Variants in DENND2D observed in about 807,000 individuals in gnomAD.
DENND2D encodes the protein DENN domain-containing protein 2D.
DENND2D carries 37 observed loss-of-function variants against 59.8 expected under a neutral mutation model. The observed-to-expected ratio is 0.62, with a 90% CI of 0.48 to 0.81. The LOEUF (loss-of-function observed/expected upper bound fraction) is 0.81. Among genes scored for constraint, DENND2D ranks in the 40% least tolerant of loss-of-function variants. The pLI, the probability that DENND2D is intolerant of heterozygous loss-of-function variation, is 0.00. For synonymous variants in DENND2D, 219 were observed against 211.3 expected, an observed-to-expected ratio of 1.04 and a Z score of -0.31; for missense variants, 525 against 579.7, an observed-to-expected ratio of 0.91 and a Z score of 0.97.
upstream of DENND2D, chr1:111,204,482 C>G (rs900235849): frequency 4.0e-5 from 41 of 1,018,402 alleles, no homozygotes; most frequent in African/African-American, 5.1e-4. Flanking sequence ...CGGGGCGGCG[C>G]GGCGCACCTT....
upstream of DENND2D, chr1:111,201,186 CCCAATAG>C (rs1388351450): frequency 6.5e-6 from 1 of 152,744 alleles, no homozygotes; most frequent in African/African-American, 2.4e-5. Context: ...GAAGTCAATA[CCCAATAG>C]CCTTCTTTCC....
chr1:111,192,217 CGGT>C lies in DENND2D; in HGVS notation c.892_894del (p.Thr298del). 2 of 1,613,896 alleles carry C rather than the reference CGGT, an allele frequency of 1.2e-6. No homozygotes were observed. Among genetic ancestry groups the C allele is most frequent in the Non-Finnish European group, 1.7e-6 (2 of 1,179,856 alleles). The stretch of plus-strand genomic sequence containing the variant: ...ACCATGAAGGGGGTGGGGCAGCAGA[CGGT>C]GGCCAGAAGGCTCTCAGGGACAACA... On this transcript the variant is annotated inframe_deletion, in exon 8 of 12. Coordinates refer to ENST00000357640, the MANE Select transcript of DENND2D (RefSeq NM_024901.5).
At position 111,194,563 on chromosome 1, in the gene DENND2D, A is replaced by G. The variant is rs768204448; in HGVS notation, c.794+15T>C. On this transcript the variant is annotated intron_variant, in intron 7 of 11. Transcript: ENST00000357640. ...GCTGGGCAGTTCAGGTGAGCCGTCC[A>G]GGGGCTGGGCCCACCTGAGACCTTC... 6.2e-6 allele frequency: 10 copies of G among 1,613,274 alleles called. No individual in the cohort carries two copies. The South Asian group carries it at 8.8e-5, about 14-fold the overall frequency.
At chr1:111,204,250 C>A (rs1431804740), upstream of DENND2D, 7 of 1,451,108 alleles carry the variant, frequency 4.8e-6, no homozygotes, top group African/African-American at 7.4e-5. Context: ...CCCCGGCTCC[C>A]CGGTGCCCAC....
chr1:111,188,147 G>T lies in DENND2D; in HGVS notation c.1323C>A (p.Ser441Arg). The change falls in exon 11 of 12, where the codon AGC becomes AGA. Residue 441 changes from serine to arginine, a missense_variant. By Grantham distance (110) the Ser-to-Arg change is moderately radical. This residue lies in a region of DENND2D where 225 missense variants were observed against 252.4 expected (regional missense o/e 0.89). Coordinates refer to ENST00000357640, the MANE Select transcript of DENND2D (RefSeq NM_024901.5). ...FSLFIQEAEK[S>R]KNPPAGYFQQ... ...TTACTGTACCTGCAGGAGGATTCTT[G>T]CTCTTCTCGGCTTCCTGGATGAAAA... 6.2e-7 allele frequency: 1 copy of T among 1,614,186 alleles called. No homozygotes were observed. The highest frequency in any genetic ancestry group is 8.5e-7 in the Non-Finnish European group (1 of 1,180,038).
chr1:111,197,705 C>T, intron 4 of DENND2D: 1 of 1,417,408 alleles, frequency 7.1e-7, no homozygotes, highest in Non-Finnish European at 9.2e-7. Flanking sequence ...AGAGCACAGA[C>T]CAGAGCCTGA....
intron 8 of DENND2D, among the ~76,000 whole-genome samples, chr1:111,190,428 G>T (rs1163082716): frequency 6.6e-6 from 1 of 152,304 alleles, no homozygotes; most frequent in South Asian, 2.1e-4. Flanking sequence ...CCAACCAGCA[G>T]ATCTGTTTCT....
chr1:111,198,593 C>T (rs769022033), intron 3 of DENND2D, 37 bp downstream of exon 3: 17 of 1,603,968 alleles, frequency 1.1e-5, no homozygotes, highest in African/African-American at 1.3e-5. Flanking sequence ...TTCCTTCTCC[C>T]CAAATCCAAT....
rs1210448134 is a variant in DENND2D at position 111,187,626 on chromosome 1, TG to T, written c.1394del (p.Pro465GlnfsTer6). ...EYEEQKKQKK[P>X]REKTVK ...GCTCTTATTTCACAGTTTTTTCCCTTGGTTTCTTCTGTTTCTTCTGTTCCTC... is the reference window on the plus strand; with the variant it reads ...GCTCTTATTTCACAGTTTTTTCCCTTGTTTCTTCTGTTTCTTCTGTTCCTC... On this transcript the variant is annotated frameshift_variant, in exon 12 of 12. Transcript: ENST00000357640. LOFTEE classifies it high-confidence loss of function. 3 of 1,613,888 alleles carry T rather than the reference TG, an allele frequency of 1.9e-6. No individual in the cohort carries two copies. Among genetic ancestry groups the T allele is most frequent in the Non-Finnish European group, 2.5e-6 (3 of 1,179,790 alleles).
At chr1:111,191,970 C>T (rs1289492846) in intron 8 of DENND2D, among the ~76,000 whole-genome samples, 170 bp downstream of exon 8, 1 of 152,192 alleles carries the variant, frequency 6.6e-6, no homozygotes, top group Non-Finnish European at 1.5e-5. Flanking sequence ...TGGTTTCCCC[C>T]AGAATCCTTA....
intron 8 of DENND2D, 89 bp from the exon 9 acceptor site, chr1:111,189,342 ATCTTT>A: frequency 1.4e-6 from 2 of 1,424,464 alleles, no homozygotes; most frequent in Non-Finnish European, 2.0e-6. Context: ...CTGTGGCTGT[ATCTTT>A]CAGCCCAGGT....
In DENND2D at chr1:111,188,313, A is replaced by G. The variant is rs369414936; in HGVS notation, c.1157T>C (p.Ile386Thr). 16 of 1,614,062 alleles carry G rather than the reference A, an allele frequency of 9.9e-6. No individual in the cohort carries two copies. In the African/African-American group the frequency reaches 1.1e-4, roughly 11 times the overall value. Residue 386 changes from isoleucine (I) to threonine (T), a missense_variant, in exon 11 of 12, where the codon ATT (isoleucine) becomes ACT (threonine). Ile to Thr is a moderately conservative substitution (Grantham distance 89). This residue lies in a region of DENND2D where 225 missense variants were observed against 252.4 expected (regional missense o/e 0.89). Transcript: ENST00000357640. ...GATATAGGAAGCATAATGGCCCACA[A>G]TCTTGACAAAGAACTGCACAAAGGG... Reference protein sequence around the residue: ...SGPFVQFFVKIVGHYASYIKR... With the variant: ...SGPFVQFFVKTVGHYASYIKR...
chr1:111,195,796 T>G (rs1658171833), intron 6 of DENND2D, 120 bp downstream of exon 6: 2 of 1,420,060 alleles, frequency 1.4e-6, no homozygotes, highest in African/African-American at 2.8e-5. Flanking sequence ...CAAGTCCCAG[T>G]CCCCATCTGG....
upstream of DENND2D, chr1:111,204,300 A>G (rs1164693555): frequency 1.0e-5 from 15 of 1,479,170 alleles, 1 homozygote; most frequent in Admixed American, 2.3e-4. Context: ...ACTAACCCCC[A>G]TGGCCGCGCT....
At chr1:111,200,267 G>A in intron 1 of DENND2D, 126 bp downstream of exon 1, 3 of 1,318,110 alleles carry the variant, frequency 2.3e-6, no homozygotes, top group Non-Finnish European at 3.2e-6. Context: ...TCCTGACCCA[G>A]TCACATGGGG....
At chr1:111,198,379 T>G (rs540223648) in intron 3 of DENND2D, among the ~76,000 whole-genome samples, 1 of 152,334 alleles carries the variant, frequency 6.6e-6, no homozygotes, top group African/African-American at 2.4e-5. Context: ...GTAGCAGAGT[T>G]AAAAGCAGCA....
chr1:111,190,366 G>A (rs1238330101), intron 8 of DENND2D, among the ~76,000 whole-genome samples: 3 of 152,132 alleles, frequency 2.0e-5, no homozygotes, highest in Non-Finnish European at 4.4e-5. Flanking sequence ...CACTGCCCAG[G>A]GAGCCTTCAG....
Position 111,199,664 on chromosome 1 carries a change from C to G in DENND2D, c.202G>C (p.Glu68Gln), listed in dbSNP as rs1243911408. Residue 68 changes from glutamate (E) to glutamine (Q), a missense_variant, in exon 2 of 12, where the codon GAG becomes CAG. By Grantham distance (29) the Glu-to-Gln change is conservative. Coordinates refer to ENST00000357640, the MANE Select transcript of DENND2D (RefSeq NM_024901.5). Reference sequence around the variant, plus strand: ...GTGATTATAGGCTCGTAATCATCCTCTGAACGCTTCTTTTTGAGAGAAACC... The same window carrying G: ...GTGATTATAGGCTCGTAATCATCCTGTGAACGCTTCTTTTTGAGAGAAACC... ...LVVSLKKKRSEDDYEPIITYQ... is the reference protein window; with the variant it reads ...LVVSLKKKRSQDDYEPIITYQ... 3 of 1,614,168 alleles carry G rather than the reference C, an allele frequency of 1.9e-6. No individual in the cohort carries two copies. The East Asian group carries it at 6.7e-5, about 36-fold the overall frequency.
chr1:111,192,839 C>T lies in DENND2D; in HGVS notation c.795-522G>A, dbSNP rs138637685. Among the ~76,000 whole-genome samples, 9 of 152,286 alleles carry T rather than the reference C, an allele frequency of 5.9e-5. 1 individual carries two copies. The East Asian group carries it at 1.2e-3, about 20-fold the overall frequency. On this transcript the variant is annotated intron_variant, in intron 7 of 11. Coordinates refer to ENST00000357640, the MANE Select transcript of DENND2D (RefSeq NM_024901.5). ...CTCGCTATGTCTATCCACCCTCATC[C>T]CCAGCCTTTGCCCCCACACAGCCCC...
Sources: gnomAD v4.1 joint callset for allele counts (sites outside exome capture counted in the v4.1 genomes callset) on GRCh38, gnomAD v4.1.1 for gene constraint, gnomAD v4.1.1 regional missense constraint, MANE v1.5 for transcripts, NCBI Gene and HGNC (gene_info 2026-07-23, HGNC 2026-07-21) for gene names.